Variants in NUP210L observed in about 807,000 individuals in gnomAD.
NUP210L encodes nuclear pore membrane glycoprotein 210-like.
A neutral mutation model predicts 208.5 loss-of-function variants in NUP210L; 74 were observed. That is an observed-to-expected ratio of 0.35 (90% confidence interval 0.29 to 0.43). The LOEUF (loss-of-function observed/expected upper bound fraction) is 0.43. Ranked by LOEUF, NUP210L falls within the 20% of genes least tolerant of loss-of-function variation. The pLI is 1.00. For synonymous variants in NUP210L, 780 were observed against 816.9 expected (o/e 0.95, Z 0.77); for missense variants, 1,843 against 2,289.4 (o/e 0.81, Z 3.98).
At chr1:154,103,489 G>T (rs1345390198) in intron 13 of NUP210L, among the ~76,000 whole-genome samples, 1 of 150,772 alleles carries the variant, frequency 6.6e-6, no homozygotes, top group African/African-American at 2.4e-5. Context: ...TGGCTAACAC[G>T]GTGAAACCCC....
chr1:154,055,153 TTCTTTC>T (rs1163464616), intron 23 of NUP210L, among the ~76,000 whole-genome samples: 1 of 110,988 alleles, frequency 9.0e-6, no homozygotes, highest in Non-Finnish European at 1.8e-5. Context: ...CTTTCTTTCT[TTCTTTC>T]TTTCTTTCTT....
chr1:154,098,463 G>T (rs948759567), intron 14 of NUP210L, among the ~76,000 whole-genome samples: 8 of 152,198 alleles, frequency 5.3e-5, no homozygotes, highest in Admixed American at 2.6e-4. Flanking sequence ...AGTGGAGGGT[G>T]AGCAAGGTGA....
chr1:154,082,030 G>A (rs954366822), intron 16 of NUP210L, among the ~76,000 whole-genome samples: 1 of 152,184 alleles, frequency 6.6e-6, no homozygotes, highest in African/African-American at 2.4e-5. Context: ...TTCCTGTTTG[G>A]TAAACACATT....
chr1:154,136,731 C>A (rs1425825162), intron 6 of NUP210L, among the ~76,000 whole-genome samples: 2 of 150,918 alleles, frequency 1.3e-5, no homozygotes, highest in African/African-American at 2.4e-5. Flanking sequence ...CCAGCCTGGG[C>A]AACATGGTGA....
intron 12 of NUP210L, among the ~76,000 whole-genome samples, chr1:154,113,286 T>A (rs1003491488): frequency 4.0e-5 from 6 of 150,308 alleles, no homozygotes; most frequent in Admixed American, 6.7e-5. Flanking sequence ...TTATTTACTA[T>A]TATACACAAT....
intron 16 of NUP210L, among the ~76,000 whole-genome samples, chr1:154,087,033 A>G (rs1309210523): frequency 2.0e-5 from 3 of 151,988 alleles, no homozygotes; most frequent in African/African-American, 7.2e-5. Flanking sequence ...AAGATACACA[A>G]CATAGGCCAG....
intron 10 of NUP210L, among the ~76,000 whole-genome samples, 173 bp from the exon 11 acceptor site, chr1:154,118,981 T>C (rs762799529): frequency 1.3e-5 from 2 of 152,110 alleles, no homozygotes; most frequent in African/African-American, 4.8e-5. Context: ...ATAGTTGCTA[T>C]GGTTCAATAA....
rs1468680731 is a variant in NUP210L, at chr1:154,012,377, G to T, written c.4654-7C>A. On this transcript the variant is annotated splice_region_variant and splice_polypyrimidine_tract_variant and intron_variant, in intron 33 of 39. Coordinates refer to ENST00000368559, the Ensembl canonical transcript of NUP210L. Reference sequence around the variant, plus strand: ...ATGATGCATTGACCACCACCTGTCAGCAAATCAAAGGAAAATCTGCACCTA... The same window carrying T: ...ATGATGCATTGACCACCACCTGTCATCAAATCAAAGGAAAATCTGCACCTA... 6.2e-7 allele frequency: 1 copy of T among 1,608,714 alleles called. No homozygotes were observed. Among genetic ancestry groups the T allele is most frequent in the African/African-American group, 1.3e-5 (1 of 74,676 alleles).
At position 154,087,562 on chromosome 1, in the gene NUP210L, T is replaced by C. The variant is rs1320100848; in HGVS notation, c.2361+1859A>G. ...CAAAAGGCTAAGCATGGAATTAACA[T>C]ACAAACCACCAATTCCACTCTTAGC... On this transcript the variant is annotated intron_variant, in intron 16 of 39. Transcript: ENST00000368559. 6.6e-5 allele frequency among the ~76,000 whole-genome samples: 10 copies of C among 152,194 alleles called. No homozygotes were observed. In the East Asian group the frequency reaches 1.9e-3, roughly 29 times the overall value.
chr1:154,088,242 T>G (rs904734364), intron 16 of NUP210L, among the ~76,000 whole-genome samples: 1 of 151,344 alleles, frequency 6.6e-6, no homozygotes, highest in Non-Finnish European at 1.5e-5. Flanking sequence ...GGGGGTTGAG[T>G]TGGGAAAATC....
chr1:154,034,131 C>A (rs1160754978), intron 27 of NUP210L, among the ~76,000 whole-genome samples: 1 of 151,922 alleles, frequency 6.6e-6, no homozygotes, highest in Non-Finnish European at 1.5e-5. Context: ...GAGATCTTAG[C>A]CTTTAGTTTT....
At chr1:154,136,566 G>T (rs968091679) in intron 6 of NUP210L, among the ~76,000 whole-genome samples, 2 of 151,754 alleles carry the variant, frequency 1.3e-5, no homozygotes, top group Non-Finnish European at 2.9e-5. Flanking sequence ...TAGCAGGAGG[G>T]GTCATCATTA....
At chr1:154,048,639 G>C (rs1425408271) in intron 25 of NUP210L, among the ~76,000 whole-genome samples, 2 of 152,160 alleles carry the variant, frequency 1.3e-5, no homozygotes, top group Non-Finnish European at 2.9e-5. Context: ...TACAATGTCT[G>C]TCCCCCACCA....
chr1:154,051,674 CTA>C (rs1653510350), intron 25 of NUP210L, among the ~76,000 whole-genome samples: 1 of 152,228 alleles, frequency 6.6e-6, no homozygotes, highest in African/African-American at 2.4e-5. Flanking sequence ...GGATTGAAAA[CTA>C]ATTCTCTTTG....
At chr1:154,017,365 A>G (rs1214964678) in intron 33 of NUP210L, among the ~76,000 whole-genome samples, 5 of 148,412 alleles carry the variant, frequency 3.4e-5, no homozygotes, top group Non-Finnish European at 6.0e-5. Flanking sequence ...CCATACTGCA[A>G]AAACCATCAG....
intron 27 of NUP210L, among the ~76,000 whole-genome samples, chr1:154,033,002 A>AAAG (rs1216868298): frequency 1.4e-4 from 21 of 147,646 alleles, no homozygotes; most frequent in Admixed American, 1.4e-3. Flanking sequence ...AGAAAGAAAG[A>AAAG]AAAAAAGAAA....
intron 12 of NUP210L, among the ~76,000 whole-genome samples, chr1:154,114,507 C>T (rs576070152): frequency 6.6e-6 from 1 of 152,124 alleles, no homozygotes; most frequent in South Asian, 2.1e-4. Context: ...GAACTTCAGA[C>T]CCCTATTTCC....
chr1:154,007,559 G>A (rs1557909488), intron 35 of NUP210L, among the ~76,000 whole-genome samples: 1 of 151,770 alleles, frequency 6.6e-6, no homozygotes, highest in East Asian at 1.9e-4. Context: ...ATCGCACCTG[G>A]CCTATATATT....
chr1:154,078,594 CAAA>C (rs1168583884), intron 16 of NUP210L, among the ~76,000 whole-genome samples: 2 of 97,474 alleles, frequency 2.1e-5, no homozygotes, highest in African/African-American at 3.8e-5. Flanking sequence ...GAATCTGTCT[CAAA>C]AAAAAAAAAA....
Sources: allele counts gnomAD v4.1 joint callset (sites outside exome capture counted in the v4.1 genomes callset), GRCh38; gene constraint gnomAD v4.1.1; transcripts MANE v1.5; gene names NCBI Gene and HGNC (gene_info 2026-07-23, HGNC 2026-07-21).